Variants in SLC24A3 observed in about 807,000 individuals in gnomAD.
SLC24A3 encodes solute carrier family 24 member 3.
SLC24A3 carries 28 observed loss-of-function variants against 75.8 expected under a neutral mutation model. The observed-to-expected ratio is 0.37, with a 90% CI of 0.27 to 0.51. SLC24A3 has a LOEUF of 0.51. Among genes scored for constraint, SLC24A3 ranks in the 20% least tolerant of loss-of-function variants. The pLI, the probability that SLC24A3 is intolerant of heterozygous loss-of-function variation, is 0.94. For missense variants in SLC24A3, 663 were observed against 847.8 expected (o/e 0.78, Z 2.71); for synonymous variants, 372 against 334.1 (o/e 1.11, Z -1.24).
chr20:19,435,603 G>C (rs1001744205), intron 2 of SLC24A3, among the ~76,000 whole-genome samples: 1 of 152,090 alleles, frequency 6.6e-6, no homozygotes, highest in Non-Finnish European at 1.5e-5. Flanking sequence ...AAGTACTCAC[G>C]GTCACCTTTG....
At chr20:19,249,540 A>C (rs1186662876) in intron 1 of SLC24A3, among the ~76,000 whole-genome samples, 1 of 152,000 alleles carries the variant, frequency 6.6e-6, no homozygotes, top group Non-Finnish European at 1.5e-5. Flanking sequence ...TTCACATTTC[A>C]TTTCCAGTGT....
chr20:19,361,200 GCTA>G (rs1985781225), intron 2 of SLC24A3, among the ~76,000 whole-genome samples: 2 of 152,178 alleles, frequency 1.3e-5, no homozygotes, highest in Admixed American at 6.5e-5. Flanking sequence ...AAAGATATCT[GCTA>G]AAGCTTTGCA....
In SLC24A3 at chr20:19,419,368, T is replaced by TC. The variant is rs200772035; in HGVS notation, c.272-96120_272-96119insC. 4.6e-3 allele frequency among the ~76,000 whole-genome samples: 571 copies of TC among 125,410 alleles called. 3 individuals are homozygous for TC. Among genetic ancestry groups the TC allele is most frequent in the African/African-American group, 0.016 (541 of 32,886 alleles). The allele number at this position is 125,410 out of a possible 152,430, so 82.3% of individuals were successfully genotyped here. A position where few individuals can be genotyped will look rare whatever the true frequency, so the allele number is the denominator to read the frequency against. On this transcript the variant is annotated intron_variant, in intron 2 of 16. Coordinates refer to ENST00000328041, the MANE Select transcript of SLC24A3 (RefSeq NM_020689.4). The stretch of plus-strand genomic sequence containing the variant: ...AATCAGGCAGTAAAAAGCTAGCTTC[T>TC]TTTTTTTTTTTTTCCTGGGCATTTA...
chr20:19,583,613 G>A (rs1372649380), intron 4 of SLC24A3, among the ~76,000 whole-genome samples: 1 of 152,112 alleles, frequency 6.6e-6, no homozygotes, highest in African/African-American at 2.4e-5. Context: ...GAGGGGAAAC[G>A]GACATGAACC....
In SLC24A3 at chr20:19,212,663, G is replaced by C. The variant is rs1050971476; in HGVS notation, c.-180G>C. ...GGGCGATAGCGACGAGGAGGGCGAC[G>C]ACGAGGAGACGGGCAGCGGCGAGGA... On this transcript the variant is annotated 5_prime_UTR_variant, in exon 1 of 17. Transcript: ENST00000328041. 1.9e-5 allele frequency: 5 copies of C among 258,894 alleles called. No homozygotes were observed. The highest frequency in any genetic ancestry group is 2.4e-5 in the Non-Finnish European group (4 of 167,498). 16.0% of individuals were successfully genotyped at this position (258,894 alleles called of 1,614,324 possible).
chr20:19,324,331 G>T (rs920197256), intron 2 of SLC24A3, among the ~76,000 whole-genome samples: 2 of 152,164 alleles, frequency 1.3e-5, no homozygotes, highest in Non-Finnish European at 2.9e-5. Flanking sequence ...GGATTGGTTT[G>T]CAACCATTTT....
intron 3 of SLC24A3, among the ~76,000 whole-genome samples, chr20:19,537,769 A>G (rs1286128676): frequency 3.3e-5 from 5 of 151,618 alleles, no homozygotes; most frequent in Non-Finnish European, 7.4e-5. Flanking sequence ...TGAGCAAACT[A>G]TTGCAAGGAC....
intron 3 of SLC24A3, among the ~76,000 whole-genome samples, chr20:19,539,988 G>A (rs2030467393): frequency 6.6e-6 from 1 of 152,184 alleles, no homozygotes. Flanking sequence ...GAGGGAGAAA[G>A]TGACCTTTCG....
chr20:19,558,348 C>G (rs555729514), intron 3 of SLC24A3, among the ~76,000 whole-genome samples: 2 of 152,186 alleles, frequency 1.3e-5, no homozygotes, highest in African/African-American at 4.8e-5. Flanking sequence ...TACAGAAAAG[C>G]TGCAAAATAG....
intron 3 of SLC24A3, among the ~76,000 whole-genome samples, chr20:19,549,827 G>A (rs2030662264): frequency 6.6e-6 from 1 of 152,014 alleles, no homozygotes; most frequent in Admixed American, 6.6e-5. Context: ...TTTGACTCTT[G>A]AAAAAATTAT....
intron 15 of SLC24A3, among the ~76,000 whole-genome samples, chr20:19,709,010 G>A (rs1353643360): frequency 1.3e-5 from 2 of 152,126 alleles, no homozygotes; most frequent in Non-Finnish European, 2.9e-5. Flanking sequence ...TTATTGAGGG[G>A]GAGCAGTATG....
At position 19,682,815 on chromosome 20, in the gene SLC24A3, C is replaced by T. The variant is rs2032630361; in HGVS notation, c.901+824C>T. Among the ~76,000 whole-genome samples the T allele has an allele frequency of 3.3e-5, 5 of 152,190 alleles. No homozygotes were observed. In the South Asian group the frequency reaches 1.0e-3, roughly 32 times the overall value. Reference sequence around the variant, plus strand: ...AACAGAAATAGAAAAGTGCCTTCCTCTTCAAAGTAATTCTTGTATTCAGTC... The same window carrying T: ...AACAGAAATAGAAAAGTGCCTTCCTTTTCAAAGTAATTCTTGTATTCAGTC... On this transcript the variant is annotated intron_variant, in intron 10 of 16. Transcript: ENST00000328041.
intron 2 of SLC24A3, among the ~76,000 whole-genome samples, chr20:19,412,340 G>A (rs1986756314): frequency 6.6e-6 from 1 of 152,146 alleles, no homozygotes; most frequent in Non-Finnish European, 1.5e-5. Flanking sequence ...AGATGGGAAA[G>A]TCATGAAGAA....
chr20:19,215,182 C>T (rs1203054932), intron 1 of SLC24A3, among the ~76,000 whole-genome samples: 1 of 152,188 alleles, frequency 6.6e-6, no homozygotes, highest in Non-Finnish European at 1.5e-5. Flanking sequence ...GTTTGGCACA[C>T]GTAAGCATTT....
At chr20:19,525,148 T>G (rs1208184619) in intron 3 of SLC24A3, among the ~76,000 whole-genome samples, 1 of 152,182 alleles carries the variant, frequency 6.6e-6, no homozygotes, top group African/African-American at 2.4e-5. Context: ...CCCCCTTATA[T>G]AGTAGAGACT....
chr20:19,344,473 A>G (rs775721359), intron 2 of SLC24A3, among the ~76,000 whole-genome samples: 34 of 152,166 alleles, frequency 2.2e-4, no homozygotes, highest in Non-Finnish European at 7.3e-5. Context: ...TTTATTTAGG[A>G]GGTAGTTGCA....
At chr20:19,448,742 G>A (rs999523120) in intron 2 of SLC24A3, among the ~76,000 whole-genome samples, 1 of 152,188 alleles carries the variant, frequency 6.6e-6, no homozygotes, top group Non-Finnish European at 1.5e-5. Flanking sequence ...CCTTTGTATG[G>A]TGTGGATGAC....
intron 2 of SLC24A3, among the ~76,000 whole-genome samples, chr20:19,428,759 T>G (rs1198790942): frequency 6.6e-6 from 1 of 151,126 alleles, no homozygotes; most frequent in African/African-American, 2.4e-5. Context: ...ACGTTGCAGC[T>G]TCCTTATCTA....
intron 7 of SLC24A3, among the ~76,000 whole-genome samples, chr20:19,656,012 G>A (rs1052837210): frequency 6.6e-6 from 1 of 152,046 alleles, no homozygotes; most frequent in Non-Finnish European, 1.5e-5. Flanking sequence ...CTAGGTTTCA[G>A]TTTTCTTACC....
Sources: allele counts gnomAD v4.1 joint callset (sites outside exome capture counted in the v4.1 genomes callset), GRCh38; gene constraint gnomAD v4.1.1; transcripts MANE v1.5; gene names NCBI Gene and HGNC (gene_info 2026-07-23, HGNC 2026-07-21).